Variants in FSTL5 observed in about 807,000 individuals in gnomAD.
The protein encoded by FSTL5 is follistatin like 5.
A neutral mutation model predicts 89.1 loss-of-function variants in FSTL5; 62 were observed. The ratio of observed to expected loss-of-function variants is 0.70; its 90% CI spans 0.57 to 0.86. The LOEUF is 0.86. FSTL5 is among the 40% of genes least tolerant of loss of function. The pLI is 0.00. For missense variants in FSTL5, 1,057 were observed against 1,001.6 expected, an observed-to-expected ratio of 1.06 and a Z score of -0.75; for synonymous variants, 383 against 346.2, an observed-to-expected ratio of 1.11 and a Z score of -1.18.
intron 15 of FSTL5, among the ~76,000 whole-genome samples, chr4:161,393,788 T>A (rs1730904909): frequency 6.6e-6 from 1 of 152,130 alleles, no homozygotes; most frequent in Non-Finnish European, 1.5e-5. Context: ...TGAGGAGCTG[T>A]GAATTCTGAT....
chr4:161,917,317 T>C (rs1733868774), intron 4 of FSTL5, among the ~76,000 whole-genome samples: 1 of 152,182 alleles, frequency 6.6e-6, no homozygotes, highest in African/African-American at 2.4e-5. Context: ...GGACTTACCT[T>C]GAAGTGCAAA....
intron 3 of FSTL5, among the ~76,000 whole-genome samples, chr4:162,027,786 T>G (rs1333970833): frequency 6.6e-6 from 1 of 152,174 alleles, no homozygotes; most frequent in Non-Finnish European, 1.5e-5. Flanking sequence ...AGTTGCCAGT[T>G]AATCATCTAC....
chr4:161,635,555 T>A (rs10020645), intron 7 of FSTL5, among the ~76,000 whole-genome samples: 37,686 of 151,060 alleles, frequency 0.25, 5,496 homozygotes, highest in African/African-American at 0.4. Flanking sequence ...TCCCACACCA[T>A]AAACTTATAC....
intron 2 of FSTL5, among the ~76,000 whole-genome samples, chr4:162,066,328 TCTTCTTCTTCTTCTTCTTCTTCTTCTC>T (rs1165478436): frequency 1.9e-3 from 234 of 121,640 alleles, no homozygotes; most frequent in East Asian, 0.012. Context: ...TTCTTCTTCT[TCTTCTTCTTCTTCTTCTTCTTCTTCTC>T]CTTCTTCTTC....
intron 4 of FSTL5, among the ~76,000 whole-genome samples, chr4:161,783,134 C>T (rs985904967): frequency 1.1e-4 from 16 of 151,968 alleles, no homozygotes; most frequent in Admixed American, 7.9e-4. Flanking sequence ...GTGTAGCAAC[C>T]TAAATAAAAA....
At chr4:161,609,614 G>A (rs997522133) in intron 7 of FSTL5, among the ~76,000 whole-genome samples, 2 of 151,874 alleles carry the variant, frequency 1.3e-5, no homozygotes, top group African/African-American at 4.8e-5. Context: ...ACTATGAATG[G>A]TCTAAATTTT....
At chr4:161,417,440 GT>G (rs1731828739) in intron 15 of FSTL5, among the ~76,000 whole-genome samples, 1 of 152,152 alleles carries the variant, frequency 6.6e-6, no homozygotes, top group South Asian at 2.1e-4. Flanking sequence ...AATTTATAGA[GT>G]TGCTATTTTA....
chr4:161,413,782 T>C (rs988382842), intron 15 of FSTL5, among the ~76,000 whole-genome samples: 3 of 152,176 alleles, frequency 2.0e-5, no homozygotes, highest in Admixed American at 6.5e-5. Flanking sequence ...GCAACATAGA[T>C]GTAGCTGGAG....
intron 1 of FSTL5, among the ~76,000 whole-genome samples, chr4:162,118,465 G>A (rs1484095013): frequency 2.0e-5 from 3 of 152,124 alleles, no homozygotes; most frequent in African/African-American, 7.2e-5. Flanking sequence ...GTTTCGCCAT[G>A]TTAGCCAGGA....
At chr4:161,899,043 T>C (rs190936750) in intron 4 of FSTL5, among the ~76,000 whole-genome samples, 150 of 152,216 alleles carry the variant, frequency 9.9e-4, no homozygotes, top group Admixed American at 2.1e-3. Flanking sequence ...CCTCATACCA[T>C]ATCCTCTTGA....
At chr4:161,424,565 C>T (rs1357347479) in intron 15 of FSTL5, among the ~76,000 whole-genome samples, 3 of 151,290 alleles carry the variant, frequency 2.0e-5, no homozygotes, top group African/African-American at 2.4e-5. Context: ...TGTAATATTC[C>T]CTCATCTATC....
In FSTL5 at chr4:162,027,199, G is replaced by C. The variant is rs116836435; in HGVS notation, c.160+6426C>G. Among the ~76,000 whole-genome samples, 1,511 of 152,098 alleles carry C rather than the reference G, an allele frequency of 9.9e-3. 30 individuals carry two copies. Among genetic ancestry groups the C allele is most frequent in the African/African-American group, 0.034 (1,404 of 41,478 alleles). ...ACATCCATCAGGATCATTTTAAATT[G>C]TAACAACTTATTTCAATGAGTTTTT... On this transcript the variant is annotated intron_variant, in intron 3 of 15. Coordinates refer to ENST00000306100, the MANE Select transcript of FSTL5 (RefSeq NM_020116.5).
chr4:161,579,028 A>T (rs562593443), intron 8 of FSTL5, among the ~76,000 whole-genome samples: 38 of 152,298 alleles, frequency 2.5e-4, no homozygotes, highest in African/African-American at 9.1e-4. Flanking sequence ...TTACATGAAA[A>T]AATGAGGAGG....
chr4:161,571,894 A>AT (rs1225279072), intron 8 of FSTL5, among the ~76,000 whole-genome samples: 2 of 152,082 alleles, frequency 1.3e-5, no homozygotes, highest in Non-Finnish European at 2.9e-5. Flanking sequence ...TCTGTGCATA[A>AT]TTTTTCCTTC....
chr4:161,721,644 C>A lies in FSTL5; in HGVS notation c.727+37767G>T, dbSNP rs570236193. On this transcript the variant is annotated intron_variant, in intron 6 of 15. Coordinates refer to ENST00000306100, the MANE Select transcript of FSTL5 (RefSeq NM_020116.5). The stretch of plus-strand genomic sequence containing the variant: ...CACTTCCTATGTCAACTTCTTCATT[C>A]TTTCCTTGTAATGCAAGGCATCCAG... Among the ~76,000 whole-genome samples, 21 of 152,268 alleles carry A rather than the reference C, an allele frequency of 1.4e-4. 1 individual carries two copies. The South Asian group carries it at 4.4e-3, about 32-fold the overall frequency.
chr4:162,087,951 A>G (rs1213681650), intron 2 of FSTL5, among the ~76,000 whole-genome samples: 1 of 152,142 alleles, frequency 6.6e-6, no homozygotes, highest in East Asian at 1.9e-4. Context: ...ATGGATTATG[A>G]TACACTTTAT....
intron 2 of FSTL5, among the ~76,000 whole-genome samples, chr4:162,090,073 A>G (rs1730486502): frequency 6.6e-6 from 1 of 152,148 alleles, no homozygotes; most frequent in African/African-American, 2.4e-5. Context: ...CCTTCCTTAC[A>G]CCATATACAA....
At chr4:161,862,055 T>A (rs1731934183) in intron 4 of FSTL5, among the ~76,000 whole-genome samples, 1 of 152,354 alleles carries the variant, frequency 6.6e-6, no homozygotes, top group African/African-American at 2.4e-5. Flanking sequence ...GAATTCTTTA[T>A]GCAAATACTT....
At chr4:162,008,152 T>C (rs1736663113) in intron 3 of FSTL5, among the ~76,000 whole-genome samples, 1 of 151,890 alleles carries the variant, frequency 6.6e-6, no homozygotes, top group South Asian at 2.1e-4. Flanking sequence ...CTGGACATTA[T>C]GAAATTTAAA....
Sources: gnomAD v4.1 joint callset for allele counts (sites outside exome capture counted in the v4.1 genomes callset) on GRCh38, gnomAD v4.1.1 for gene constraint, MANE v1.5 for transcripts, NCBI Gene and HGNC (gene_info 2026-07-23, HGNC 2026-07-21) for gene names.